Variants in CTNNA3 observed in about 807,000 individuals in gnomAD.
The protein encoded by CTNNA3 is catenin alpha-3.
In CTNNA3, 76 loss-of-function variants were observed where a neutral mutation model predicts 95.7. The ratio of observed to expected loss-of-function variants is 0.79; its 90% confidence interval spans 0.66 to 0.96. CTNNA3 has a LOEUF of 0.96. Among genes scored for constraint, CTNNA3 ranks in the 40% least tolerant of loss-of-function variants. The probability of loss-of-function intolerance (pLI) is 0.00; values close to 1 mark genes in which losing one functional copy is unlikely to be tolerated. For missense variants in CTNNA3, 1,191 were observed against 1,089.8 expected (o/e 1.09, Z -1.31); for synonymous variants, 431 against 374.4 (o/e 1.15, Z -1.74).
chr10:66,822,303 C>T (rs1842330918), intron 7 of CTNNA3, among the ~76,000 whole-genome samples: 2 of 151,924 alleles, frequency 1.3e-5, no homozygotes, highest in East Asian at 1.9e-4. Context: ...CATTGTTAAT[C>T]GATCATGGCA....
chr10:67,086,989 G>C (rs969357438), intron 7 of CTNNA3, among the ~76,000 whole-genome samples: 1 of 151,944 alleles, frequency 6.6e-6, no homozygotes, highest in Non-Finnish European at 1.5e-5. Context: ...TTTTCATACT[G>C]ATTAGCAACT....
At chr10:67,516,291 A>G (rs1839809848) in intron 5 of CTNNA3, among the ~76,000 whole-genome samples, 1 of 152,186 alleles carries the variant, frequency 6.6e-6, no homozygotes, top group South Asian at 2.1e-4. Context: ...AGCAATTCCC[A>G]GTGCAATATT....
chr10:66,894,613 T>C (rs1202307750), intron 7 of CTNNA3, among the ~76,000 whole-genome samples: 2 of 152,096 alleles, frequency 1.3e-5, no homozygotes, highest in African/African-American at 4.8e-5. Flanking sequence ...CATTTTAGTA[T>C]AGGAGTCTAT....
intron 13 of CTNNA3, among the ~76,000 whole-genome samples, chr10:66,188,927 G>A (rs543550942): frequency 1.3e-5 from 2 of 152,016 alleles, no homozygotes; most frequent in South Asian, 4.2e-4. Flanking sequence ...ATCCTAACAA[G>A]TGTGAGGTAA....
chr10:67,321,656 T>C (rs1169791938), intron 5 of CTNNA3, among the ~76,000 whole-genome samples: 1 of 152,160 alleles, frequency 6.6e-6, no homozygotes, highest in Non-Finnish European at 1.5e-5. Context: ...CTCTAGATGA[T>C]CTCAAATGCT....
chr10:66,489,588 GCA>G (rs372485916), intron 11 of CTNNA3, among the ~76,000 whole-genome samples: 1 of 151,880 alleles, frequency 6.6e-6, no homozygotes, highest in Non-Finnish European at 1.5e-5. Context: ...ACTTGTGCAT[GCA>G]CACACACACG....
intron 7 of CTNNA3, among the ~76,000 whole-genome samples, chr10:66,975,699 T>C (rs949479237): frequency 6.6e-6 from 1 of 152,168 alleles, no homozygotes; most frequent in Non-Finnish European, 1.5e-5. Flanking sequence ...TGGTTCTCCA[T>C]CAAGCTAAGT....
chr10:65,958,869 G>A (rs1157904062), intron 17 of CTNNA3, among the ~76,000 whole-genome samples: 8 of 152,162 alleles, frequency 5.3e-5, no homozygotes, highest in Non-Finnish European at 1.0e-4. Context: ...CAGTCTGTCC[G>A]TTCTCAGATC....
intron 13 of CTNNA3, among the ~76,000 whole-genome samples, chr10:66,244,859 C>A (rs989575146): frequency 1.3e-5 from 2 of 152,166 alleles, no homozygotes; most frequent in Admixed American, 1.3e-4. Flanking sequence ...GCATTGAGAC[C>A]AGCCAAGAAA....
chr10:66,989,876 T>A (rs915838660), intron 7 of CTNNA3, among the ~76,000 whole-genome samples: 3 of 152,152 alleles, frequency 2.0e-5, no homozygotes, highest in Non-Finnish European at 4.4e-5. Context: ...TCTATGATTA[T>A]TTAGCGGCAA....
At chr10:67,646,243 CTGGACTTA>C (rs1589529197) in intron 2 of CTNNA3, among the ~76,000 whole-genome samples, 1 of 149,080 alleles carries the variant, frequency 6.7e-6, no homozygotes, top group East Asian at 2.0e-4. Context: ...TCTTTAACTC[CTGGACTTA>C]AGCGATCCTC....
intron 11 of CTNNA3, among the ~76,000 whole-genome samples, chr10:66,445,437 A>C (rs2093412585): frequency 6.6e-6 from 1 of 152,150 alleles, no homozygotes; most frequent in Admixed American, 6.5e-5. Context: ...AGCACTCCTC[A>C]GCAAATGTAA....
intron 1 of CTNNA3, among the ~76,000 whole-genome samples, chr10:67,728,087 A>ATATAT (rs1564841939): frequency 6.3e-5 from 9 of 143,272 alleles, no homozygotes; most frequent in African/African-American, 1.5e-4. Flanking sequence ...TATATTATAT[A>ATATAT]ATATGTAATA....
chr10:66,336,346 G>A (rs1033311794), intron 12 of CTNNA3, among the ~76,000 whole-genome samples: 1 of 152,024 alleles, frequency 6.6e-6, no homozygotes, highest in Admixed American at 6.5e-5. Flanking sequence ...GTAGACTGGA[G>A]GTGTTCCTAT....
rs570667950 is a variant in CTNNA3 at position 66,182,256 on chromosome 10, CT to C, written c.1885-79008del. On this transcript the variant is annotated intron_variant, in intron 13 of 17. Coordinates refer to ENST00000433211, the MANE Select transcript of CTNNA3 (RefSeq NM_013266.4). ...CATACATTTGCTTGTGGATACATTT[CT>C]TTTTTTTTTTTTTTTTGAGACGGAG... is the stretch of plus-strand genomic sequence containing the variant. Among the ~76,000 whole-genome samples the C allele has an allele frequency of 2.1e-3, 288 of 134,516 alleles. 1 individual carries two copies. Among genetic ancestry groups the C allele is most frequent in the Middle Eastern group, 8.1e-3 (2 of 248 alleles). The allele number at this position is 134,516 out of a possible 152,430, so 88.2% of individuals were successfully genotyped here.
In CTNNA3 at chr10:66,754,517, C is replaced by T. The variant is rs551170188; in HGVS notation, c.1281+11747G>A. Among the ~76,000 whole-genome samples, 5 of 152,004 alleles carry T rather than the reference C, an allele frequency of 3.3e-5. No individual in the cohort carries two copies. The South Asian group carries it at 1.0e-3, about 32-fold the overall frequency. On this transcript the variant is annotated intron_variant, in intron 9 of 17. Coordinates refer to ENST00000433211, the MANE Select transcript of CTNNA3 (RefSeq NM_013266.4). ...ACAAAAGAAAAAAATAGATAAGCTG[C>T]ATTTAATCAAAATGTAAAACCTTCA... is the stretch of plus-strand genomic sequence containing the variant.
chr10:66,339,736 A>G (rs571670719), intron 12 of CTNNA3, among the ~76,000 whole-genome samples: 1 of 151,996 alleles, frequency 6.6e-6, no homozygotes, highest in East Asian at 1.9e-4. Flanking sequence ...CAGAAGGGTC[A>G]GAGTTGATTT....
At chr10:66,555,450 A>ATACT (rs533598380) in intron 10 of CTNNA3, among the ~76,000 whole-genome samples, 246 of 152,260 alleles carry the variant, frequency 1.6e-3, no homozygotes, top group African/African-American at 5.8e-3. Context: ...TATTTGGGAC[A>ATACT]TACTTAATAC....
At chr10:67,586,096 A>G (rs1007118130) in intron 3 of CTNNA3, among the ~76,000 whole-genome samples, 1 of 152,108 alleles carries the variant, frequency 6.6e-6, no homozygotes, top group African/African-American at 2.4e-5. Flanking sequence ...GTCATTCAGG[A>G]GCATAATGTT....
Sources: gnomAD v4.1 joint callset for allele counts (sites outside exome capture counted in the v4.1 genomes callset) on GRCh38, gnomAD v4.1.1 for gene constraint, MANE v1.5 for transcripts, NCBI Gene and HGNC (gene_info 2026-07-23, HGNC 2026-07-21) for gene names.